ALK: variants seen among roughly 807,000 people sequenced by gnomAD.
The protein encoded by ALK is ALK receptor tyrosine kinase.
ALK carries 74 observed loss-of-function variants against 163.1 expected under a neutral mutation model. The observed-to-expected ratio is 0.45, with a 90% CI of 0.38 to 0.55. The LOEUF is 0.55. Ranked by LOEUF, ALK falls within the 20% of genes least tolerant of loss-of-function variation. The probability of loss-of-function intolerance (pLI) is 0.00; values close to 1 mark genes in which losing one functional copy is unlikely to be tolerated. For missense variants in ALK, 2,063 were observed against 2,105.3 expected, an observed-to-expected ratio of 0.98 and a Z score of 0.39; for synonymous variants, 960 against 843.2, an observed-to-expected ratio of 1.14 and a Z score of -2.40.
At position 29,877,597 on chromosome 2, in the gene ALK, T is replaced by C. The variant is rs140932002; in HGVS notation, c.667+42396A>G. On this transcript the variant is annotated intron_variant, in intron 1 of 28. Transcript: ENST00000389048. ...ATCATTCATTCATTCATTCATTCAG[T>C]GGGTAAGTCAGTTCATTGTTTAACT... 1.6e-3 allele frequency among the ~76,000 whole-genome samples: 245 copies of C among 152,300 alleles called. 1 individual carries two copies. Among genetic ancestry groups the C allele is most frequent in the African/African-American group, 5.2e-3 (216 of 41,578 alleles).
At chr2:29,376,053 C>T (rs886522782) in intron 5 of ALK, among the ~76,000 whole-genome samples, 5 of 152,138 alleles carry the variant, frequency 3.3e-5, no homozygotes, top group Non-Finnish European at 5.9e-5. Flanking sequence ...AGATAGTCTC[C>T]CTCTGGCCGG....
At chr2:29,218,344 C>T (rs1240529941) in intron 23 of ALK, among the ~76,000 whole-genome samples, 2 of 152,286 alleles carry the variant, frequency 1.3e-5, no homozygotes, top group East Asian at 3.9e-4. Flanking sequence ...AGGCCCCCTC[C>T]CCGTTCTGGG....
chr2:29,640,936 G>C (rs1017719717), intron 3 of ALK, among the ~76,000 whole-genome samples: 1 of 151,968 alleles, frequency 6.6e-6, no homozygotes, highest in Non-Finnish European at 1.5e-5. Flanking sequence ...TGAATAGAAA[G>C]AAGAGCATGT....
intron 1 of ALK, among the ~76,000 whole-genome samples, chr2:29,836,004 A>C (rs1397966947): frequency 2.6e-5 from 4 of 152,094 alleles, no homozygotes; most frequent in African/African-American, 7.2e-5. Context: ...CCGAGGCACA[A>C]CTTCCATTCC....
rs754655331 is a variant in ALK at position 29,207,167 on chromosome 2, T to C, written c.3938+4A>G. On this transcript the variant is annotated splice_donor_region_variant and intron_variant, in intron 26 of 28. Transcript: ENST00000389048. The stretch of plus-strand genomic sequence containing the variant: ...GGATACCTGGAGGATGATGGCTGAC[T>C]TACCATGTGTCTGTTTTAGAAGTGA... 4 of 1,611,474 alleles carry C rather than the reference T, an allele frequency of 2.5e-6. No individual in the cohort carries two copies. The East Asian group carries it at 8.9e-5, about 36-fold the overall frequency.
chr2:29,730,978 G>A (rs1004074172), intron 1 of ALK, among the ~76,000 whole-genome samples: 4 of 152,188 alleles, frequency 2.6e-5, no homozygotes, highest in Admixed American at 6.5e-5. Context: ...CAATAGAGAC[G>A]TTGGCCTCAG....
intron 5 of ALK, among the ~76,000 whole-genome samples, chr2:29,336,963 AG>A (rs1305140737): frequency 6.6e-6 from 1 of 152,050 alleles, no homozygotes; most frequent in African/African-American, 2.4e-5. Context: ...CCTGGTGTCT[AG>A]GGGACTCAGG....
At chr2:29,333,100 G>A (rs1226033268) in intron 5 of ALK, among the ~76,000 whole-genome samples, 1 of 151,694 alleles carries the variant, frequency 6.6e-6, no homozygotes, top group Admixed American at 6.6e-5. Context: ...GATAGCCAGT[G>A]AAGTTGGGTT....
intron 3 of ALK, among the ~76,000 whole-genome samples, chr2:29,652,936 TC>T (rs1677076100): frequency 6.6e-6 from 1 of 152,170 alleles, no homozygotes; most frequent in African/African-American, 2.4e-5. Context: ...TGTGAGCTGC[TC>T]TAGCAAATTA....
chr2:29,235,360 C>T (rs17007735), intron 13 of ALK, among the ~76,000 whole-genome samples: 3,627 of 152,248 alleles, frequency 0.024, 155 homozygotes, highest in African/African-American at 0.081. Flanking sequence ...CTCAGGGGTG[C>T]CGGCAATGAG....
intron 4 of ALK, among the ~76,000 whole-genome samples, chr2:29,498,323 A>G (rs979457331): frequency 4.6e-5 from 7 of 152,272 alleles, no homozygotes; most frequent in African/African-American, 1.7e-4. Flanking sequence ...AAATACACTT[A>G]TTGATGATAA....
intron 5 of ALK, among the ~76,000 whole-genome samples, chr2:29,368,037 C>T (rs1356899638): frequency 1.3e-5 from 2 of 152,174 alleles, no homozygotes; most frequent in African/African-American, 4.8e-5. Context: ...ATGGAGCCTC[C>T]ATTTTGTCCC....
chr2:29,778,422 A>G (rs79533379), intron 1 of ALK, among the ~76,000 whole-genome samples: 1,751 of 152,344 alleles, frequency 0.011, 40 homozygotes, highest in African/African-American at 0.039. Context: ...TTCAAATGCT[A>G]AATTTGGAGA....
chr2:29,639,967 C>T (rs922537118), intron 3 of ALK, among the ~76,000 whole-genome samples: 22 of 152,142 alleles, frequency 1.4e-4, no homozygotes, highest in African/African-American at 3.1e-4. Flanking sequence ...TGGGTCTTGA[C>T]GTTCAACTTA....
intron 3 of ALK, among the ~76,000 whole-genome samples, chr2:29,671,194 G>T (rs1558434798): frequency 6.6e-6 from 1 of 151,720 alleles, no homozygotes; most frequent in Non-Finnish European, 1.5e-5. Flanking sequence ...CTCCTTTTTG[G>T]TTCTAAGTAG....
intron 11 of ALK, among the ~76,000 whole-genome samples, chr2:29,257,139 C>T (rs1318998185): frequency 6.6e-6 from 1 of 152,018 alleles, no homozygotes; most frequent in Non-Finnish European, 1.5e-5. Context: ...ATCAAATGGT[C>T]CCCAGGGAGG....
intron 5 of ALK, among the ~76,000 whole-genome samples, chr2:29,336,584 G>T (rs1667620867): frequency 6.6e-6 from 1 of 152,176 alleles, no homozygotes; most frequent in South Asian, 2.1e-4. Context: ...TACACCACAG[G>T]TGATTTATTG....
intron 1 of ALK, among the ~76,000 whole-genome samples, chr2:29,891,764 AGCTGAAGGG>A (rs763951798): frequency 3.3e-5 from 5 of 152,164 alleles, no homozygotes; most frequent in African/African-American, 4.8e-5. Flanking sequence ...CAAGCCTAGG[AGCTGAAGGG>A]GCTGATAAGG....
In ALK at chr2:29,704,585, A is replaced by G. The variant is rs577770574; in HGVS notation, c.788-9571T>C. ...TTTTCTTGAATAAATTGGCAAAAAC[A>G]TATATGGCTACGTTTCAAATATCTC... On this transcript the variant is annotated intron_variant, in intron 2 of 28. Coordinates refer to ENST00000389048, the MANE Select transcript of ALK (RefSeq NM_004304.5). Among the ~76,000 whole-genome samples, 5 of 152,320 alleles carry G rather than the reference A, an allele frequency of 3.3e-5. No individual in the cohort carries two copies. In the South Asian group the frequency reaches 1.0e-3, roughly 32 times the overall value.
Sources: gnomAD v4.1 joint callset for allele counts (sites outside exome capture counted in the v4.1 genomes callset) on GRCh38, gnomAD v4.1.1 for gene constraint, MANE v1.5 for transcripts, NCBI Gene and HGNC (gene_info 2026-07-23, HGNC 2026-07-21) for gene names.